The following TRAIP variants were observed in gnomAD, a reference collection of about 807,000 sequenced individuals.
TRAIP encodes the protein E3 ubiquitin-protein ligase TRAIP.
A neutral mutation model predicts 65.0 loss-of-function variants in TRAIP; 37 were observed. The ratio of observed to expected loss-of-function variants is 0.57; its 90% confidence interval spans 0.44 to 0.75. TRAIP has a LOEUF of 0.75. TRAIP is among the 30% of genes least tolerant of loss of function. The probability of loss-of-function intolerance (pLI) is 0.00; values close to 1 mark genes in which losing one functional copy is unlikely to be tolerated. For missense variants in TRAIP, 481 were observed against 579.4 expected, an observed-to-expected ratio of 0.83 and a Z score of 1.74; for synonymous variants, 187 against 219.1, an observed-to-expected ratio of 0.85 and a Z score of 1.29.
intron 1 of TRAIP, among the ~76,000 whole-genome samples, chr3:49,854,240 G>A (rs939485666): frequency 6.6e-6 from 1 of 152,106 alleles, no homozygotes; most frequent in Admixed American, 6.5e-5. Flanking sequence ...CAGGAGGATC[G>A]CTTGAGTCCA....
At chr3:49,838,928 C>A (rs1399085385) in intron 10 of TRAIP, among the ~76,000 whole-genome samples, 1 of 151,344 alleles carries the variant, frequency 6.6e-6, no homozygotes. Flanking sequence ...CAGTGGCTCA[C>A]GCCTGTAATC....
chr3:49,847,521 G>T lies in TRAIP; in HGVS notation c.240+4C>A. The T allele has an allele frequency of 6.3e-7, 1 of 1,596,382 alleles. No homozygotes were observed. Among genetic ancestry groups the T allele is most frequent in the Non-Finnish European group, 8.6e-7 (1 of 1,169,020 alleles). On this transcript the variant is annotated splice_donor_region_variant and intron_variant, in intron 3 of 14. Transcript: ENST00000331456. ...TTCAGTAGAATCAGATAAATTCTGG[G>T]TACCTTTAAGAATTCTGCATCCAAG...
At chr3:49,846,816 A>C (rs1169659079) in intron 3 of TRAIP, among the ~76,000 whole-genome samples, 4 of 152,138 alleles carry the variant, frequency 2.6e-5, no homozygotes, top group Non-Finnish European at 5.9e-5. Context: ...AGGTGGGAGG[A>C]TTGCTCGAGC....
chr3:49,842,307 AC>A, intron 6 of TRAIP, 145 bp downstream of exon 6: 1 of 721,724 alleles, frequency 1.4e-6, no homozygotes, highest in East Asian at 2.6e-5. Flanking sequence ...CTGTGCCCAC[AC>A]CCAGCTGACC....
chr3:49,843,966 C>T, intron 4 of TRAIP, 38 bp from the exon 5 acceptor site: 2 of 1,579,084 alleles, frequency 1.3e-6, no homozygotes, highest in South Asian at 1.1e-5. Flanking sequence ...AGGGAAAGGC[C>T]TGTCCATCCA....
At chr3:49,836,494 A>AAAAAG (rs574138148) in intron 10 of TRAIP, among the ~76,000 whole-genome samples, 5 of 150,784 alleles carry the variant, frequency 3.3e-5, no homozygotes, top group Non-Finnish European at 5.9e-5. Context: ...CTGTTTCAAA[A>AAAAAG]AAAAGAAAAG....
chr3:49,841,135 G>A (rs922494083), intron 7 of TRAIP, 63 bp from the exon 8 acceptor site: 2 of 1,393,306 alleles, frequency 1.4e-6, no homozygotes, highest in Admixed American at 1.7e-5. Flanking sequence ...CTGAGCCACA[G>A]CACTAATCTA....
intron 9 of TRAIP, among the ~76,000 whole-genome samples, chr3:49,840,070 T>G (rs1467942066): frequency 6.6e-6 from 1 of 152,198 alleles, no homozygotes; most frequent in Non-Finnish European, 1.5e-5. Flanking sequence ...GGACAGACTA[T>G]GAGGGAAGAC....
At chr3:49,836,006 A>T (rs1441036715) in intron 10 of TRAIP, among the ~76,000 whole-genome samples, 1 of 151,212 alleles carries the variant, frequency 6.6e-6, no homozygotes, top group Non-Finnish European at 1.5e-5. Flanking sequence ...TCTGTCATCC[A>T]GGCTGGAGTA....
At chr3:49,840,399 G>C (rs1030002534) in intron 8 of TRAIP, 26 bp from the exon 9 acceptor site, 108 of 1,601,738 alleles carry the variant, frequency 6.7e-5, no homozygotes, top group Non-Finnish European at 9.2e-5. Context: ...GGGAATGAAA[G>C]ACAAGCCAAG....
At chr3:49,832,492 G>GAAAA in intron 10 of TRAIP, among the ~76,000 whole-genome samples, 1 of 128,574 alleles carries the variant, frequency 7.8e-6, no homozygotes, top group Non-Finnish European at 1.6e-5. Flanking sequence ...TCCGTCTCAG[G>GAAAA]AAAAAAAAAA....
rs545409527 is a variant in TRAIP, at chr3:49,846,342, G to A, written c.240+1183C>T. On this transcript the variant is annotated intron_variant, in intron 3 of 14. Coordinates refer to ENST00000331456, the MANE Select transcript of TRAIP (RefSeq NM_005879.3). ...GTCACCCAAAGTGCTGGGATTACAG[G>A]TGTGAGCCATCACGCCCAGCCTCCC... Among the ~76,000 whole-genome samples, 127 of 152,236 alleles carry A rather than the reference G, an allele frequency of 8.3e-4. 3 individuals are homozygous for A. In the South Asian group the frequency reaches 0.026, roughly 31 times the overall value.
rs1414677202 is a variant in TRAIP at position 49,848,144 on chromosome 3, T to C, written c.155A>G (p.Gln52Arg). The C allele has an allele frequency of 3.1e-6, 5 of 1,614,224 alleles. No individual in the cohort carries two copies. The highest frequency in any genetic ancestry group is 4.2e-6 in the Non-Finnish European group (5 of 1,180,028). ...GTGGTCCCACCCCAATACTCTCACC[T>C]GGATTCGGCACTGTGGGCAGGTCCG... ...PSRTCPQCRI[Q>R]VGKRTIINKL... Residue 52 changes from glutamine (Q) to arginine (R), a missense_variant and splice_region_variant, in exon 2 of 15, where the codon CAG (glutamine) becomes CGG (arginine). By Grantham distance (43) the Gln-to-Arg change is conservative. Transcript: ENST00000331456.
At chr3:49,852,326 C>T (rs2081939681) in intron 1 of TRAIP, among the ~76,000 whole-genome samples, 1 of 151,670 alleles carries the variant, frequency 6.6e-6, no homozygotes, top group Non-Finnish European at 1.5e-5. Context: ...GAGATCGGAC[C>T]ATTGCACTCC....
At chr3:49,833,416 G>A (rs1481957889) in intron 10 of TRAIP, among the ~76,000 whole-genome samples, 1 of 151,700 alleles carries the variant, frequency 6.6e-6, no homozygotes, top group Non-Finnish European at 1.5e-5. Flanking sequence ...TTCTCACGGT[G>A]CCTCCCTCAC....
rs1478352918 is a variant in TRAIP, at chr3:49,829,528, T to C, written c.1237-20A>G. ...CCTTACCTAGGGTGGAAGGAAGAGATGAGTGGGCCAGGCTAATGGGCTGGG... is the reference window on the plus strand; with the variant it reads ...CCTTACCTAGGGTGGAAGGAAGAGACGAGTGGGCCAGGCTAATGGGCTGGG... On this transcript the variant is annotated intron_variant, in intron 13 of 14. Coordinates refer to ENST00000331456, the MANE Select transcript of TRAIP (RefSeq NM_005879.3). 6.2e-7 allele frequency: 1 copy of C among 1,613,846 alleles called. No homozygotes were observed. The highest frequency in any genetic ancestry group is 1.3e-5 in the African/African-American group (1 of 74,910).
At chr3:49,835,792 A>G (rs1240878810) in intron 10 of TRAIP, among the ~76,000 whole-genome samples, 2 of 151,652 alleles carry the variant, frequency 1.3e-5, no homozygotes, top group Non-Finnish European at 2.9e-5. Flanking sequence ...ACAAAAAATT[A>G]GCCGGGCGTG....
intron 10 of TRAIP, among the ~76,000 whole-genome samples, chr3:49,832,963 G>A (rs904556049): frequency 6.6e-6 from 1 of 152,142 alleles, no homozygotes; most frequent in Non-Finnish European, 1.5e-5. Context: ...TGATTTGGGT[G>A]GCTAAGCAAT....
rs2081821632 is a variant in TRAIP, at chr3:49,839,805, G to A, written c.851C>T (p.Ala284Val). 2 of 1,614,242 alleles carry A rather than the reference G, an allele frequency of 1.2e-6. No homozygotes were observed. Among genetic ancestry groups the A allele is most frequent in the Non-Finnish European group, 1.7e-6 (2 of 1,180,036 alleles). ...LQETLNLPPV[A>V]SETVDRLVLE... ...AACCAGGCGGTCGACAGTCTCACTGGCCACTGGTGGCAGGTTCAAGGTTTC... is the reference window on the plus strand; with the variant it reads ...AACCAGGCGGTCGACAGTCTCACTGACCACTGGTGGCAGGTTCAAGGTTTC... Residue 284 changes from alanine (A) to valine (V), a missense_variant, in exon 10 of 15, where the codon GCC becomes GTC. By Grantham distance (64) the Ala-to-Val change is moderately conservative (BLOSUM62 0). Coordinates refer to ENST00000331456, the MANE Select transcript of TRAIP (RefSeq NM_005879.3).
Sources: allele counts gnomAD v4.1 joint callset (sites outside exome capture counted in the v4.1 genomes callset), GRCh38; gene constraint gnomAD v4.1.1; transcripts MANE v1.5; gene names NCBI Gene and HGNC (gene_info 2026-07-23, HGNC 2026-07-21).